The following DPP3 variants were observed in gnomAD, a reference collection of about 807,000 sequenced individuals.
DPP3 encodes the protein dipeptidyl peptidase 3, also known as DPP III.
Under a neutral mutation model 89.8 loss-of-function variants are expected in DPP3, and 64 were observed. That is an observed-to-expected ratio of 0.71 (90% CI 0.58 to 0.88). DPP3 has a LOEUF of 0.88. DPP3 is among the 40% of genes least tolerant of loss of function. The pLI, the probability that DPP3 is intolerant of heterozygous loss-of-function variation, is 0.00. For synonymous variants in DPP3, 377 were observed against 404.3 expected (o/e 0.93, Z 0.81); for missense variants, 835 against 972.5 (o/e 0.86, Z 1.88).
chr11:66,488,755 C>T (rs1324199467), intron 6 of DPP3, among the ~76,000 whole-genome samples: 1 of 152,148 alleles, frequency 6.6e-6, no homozygotes, highest in Non-Finnish European at 1.5e-5. Flanking sequence ...TCCCCACTCG[C>T]ACCCCAGCCC....
chr11:66,491,812 C>T (rs1855401247), intron 9 of DPP3, 56 bp downstream of exon 9: 6 of 1,591,010 alleles, frequency 3.8e-6, no homozygotes, highest in East Asian at 2.3e-5. Flanking sequence ...TCCAAGTCCA[C>T]GTTTCCAGTG....
At chr11:66,506,364 C>G (rs1855801948) in intron 17 of DPP3, among the ~76,000 whole-genome samples, 2 of 152,192 alleles carry the variant, frequency 1.3e-5, no homozygotes, top group Non-Finnish European at 2.9e-5. Flanking sequence ...AAGCGATTCT[C>G]CTGCCTCAGC....
At chr11:66,499,079 G>C (rs923341498) in intron 16 of DPP3, among the ~76,000 whole-genome samples, 2 of 152,036 alleles carry the variant, frequency 1.3e-5, no homozygotes, top group South Asian at 4.1e-4. Context: ...TCTTACACTA[G>C]GTGCTGGGCG....
Position 66,493,583 on chromosome 11 carries a change from G to A in DPP3, c.1339G>A (p.Val447Met). The A allele has an allele frequency of 6.2e-7, 1 of 1,613,180 alleles. No individual in the cohort carries two copies. The highest frequency in any genetic ancestry group is 1.7e-5 in the Admixed American group (1 of 60,016). ...GAAGGGGCCCTCCTTCGATGTGCAG[G>A]TGGGCCTGCACGAGCTGCTGGGCCA... ...LWKGPSFDVQ[V>M]GLHELLGHGS... The change falls in exon 12 of 18, where the codon GTG (valine) becomes ATG (methionine). Residue 447 changes from valine (V) to methionine (M), a missense_variant. Physicochemically the swap from Val to Met is conservative, Grantham distance 21. Transcript: ENST00000531863.
At chr11:66,508,829 T>C (rs535336750) in intron 17 of DPP3, among the ~76,000 whole-genome samples, 1 of 152,286 alleles carries the variant, frequency 6.6e-6, no homozygotes, top group African/African-American at 2.4e-5. Flanking sequence ...CCAGCCTAAA[T>C]CTTTATTTGA....
chr11:66,487,574 G>A (rs1343673786), intron 5 of DPP3, among the ~76,000 whole-genome samples: 1 of 152,272 alleles, frequency 6.6e-6, no homozygotes, highest in East Asian at 1.9e-4. Flanking sequence ...ATGTGTCAGT[G>A]GTGCTCCCAG....
At chr11:66,493,486 G>T in intron 11 of DPP3, 55 bp from the exon 12 acceptor site, 1 of 1,579,208 alleles carries the variant, frequency 6.3e-7, no homozygotes. Context: ...AGGCCGACAG[G>T]CTGTATAGCC....
At position 66,495,695 on chromosome 11, in the gene DPP3, G is replaced by A. The variant is rs200417388; in HGVS notation, c.1643G>A (p.Arg548Gln). The A allele has an allele frequency of 5.0e-5, 80 of 1,613,184 alleles. No homozygotes were observed. Among genetic ancestry groups the A allele is most frequent in the South Asian group, 2.3e-4 (21 of 90,990 alleles). Residue 548 changes from arginine (R) to glutamine (Q), a missense_variant, in exon 15 of 18, where the codon CGG becomes CAG. By Grantham distance (43) the Arg-to-Gln change is conservative (BLOSUM62 1). Transcript: ENST00000531863. The stretch of plus-strand genomic sequence containing the variant: ...TACGTGAACTGGCTCAACATGGTTC[G>A]GGCCGGGCTGCTCGCTCTGGAGTTC... ...VIYVNWLNMV[R>Q]AGLLALEFYT...
intron 16 of DPP3, among the ~76,000 whole-genome samples, chr11:66,502,460 A>C (rs1855701631): frequency 6.7e-6 from 1 of 148,418 alleles, no homozygotes. Flanking sequence ...GGCGTGTGCC[A>C]CCATGCCCAG....
At chr11:66,504,847 A>AAC in intron 17 of DPP3, 73 bp downstream of exon 17, 2 of 1,470,844 alleles carry the variant, frequency 1.4e-6, no homozygotes, top group Non-Finnish European at 1.8e-6. Context: ...AAGCAGTAAG[A>AAC]ACCCATCCCA....
At chr11:66,495,174 C>T (rs201259436) in intron 12 of DPP3, 32 bp from the exon 13 acceptor site, 76 of 1,611,946 alleles carry the variant, frequency 4.7e-5, no homozygotes, top group Admixed American at 5.0e-5. Context: ...CAGTTGGGGG[C>T]GCCTTTCCCT....
In DPP3 at chr11:66,486,629, T is replaced by C; in HGVS notation, c.450T>C (p.Leu150=). The part of the protein sequence containing the change: ...VRGLWQTCGE[L]MFSLEPRLRH... Reference sequence around the variant, plus strand: ...GCCTCTGGCAGACCTGCGGGGAGCTTATGTTCTCTCTGGAGCCAAGGCTTC... The same window carrying C: ...GCCTCTGGCAGACCTGCGGGGAGCTCATGTTCTCTCTGGAGCCAAGGCTTC... Residue 150 remains leucine (L), a synonymous_variant, in exon 4 of 18, where the codon CTT becomes CTC. Transcript: ENST00000531863. The C allele has an allele frequency of 6.3e-7, 1 of 1,580,020 alleles. No individual in the cohort carries two copies. Among genetic ancestry groups the C allele is most frequent in the Non-Finnish European group, 8.6e-7 (1 of 1,162,118 alleles).
At chr11:66,502,016 C>T (rs1180670848) in intron 16 of DPP3, among the ~76,000 whole-genome samples, 2 of 151,312 alleles carry the variant, frequency 1.3e-5, no homozygotes, top group African/African-American at 4.9e-5. Flanking sequence ...GCCAACATGG[C>T]GGCCCGTCTC....
At chr11:66,488,391 A>T (rs1855291890) in intron 6 of DPP3, among the ~76,000 whole-genome samples, 3 of 152,104 alleles carry the variant, frequency 2.0e-5, no homozygotes, top group Non-Finnish European at 4.4e-5. Context: ...GTGAAACCCC[A>T]TCTCTACTAA....
Position 66,497,216 on chromosome 11 carries a change from ACCAAGGACCAAG to A in DPP3, c.1699-67_1699-56del, listed in dbSNP as rs1023609036. 46 of 1,520,372 alleles carry A rather than the reference ACCAAGGACCAAG, an allele frequency of 3.0e-5. No individual in the cohort carries two copies. In the East Asian group the frequency reaches 8.2e-4, roughly 27 times the overall value. The allele number at this position is 1,520,372 out of a possible 1,614,324, so 94.2% of individuals were successfully genotyped here. A position where few individuals can be genotyped will look rare whatever the true frequency, so the allele number is the denominator to read the frequency against. On this transcript the variant is annotated intron_variant, in intron 15 of 17. Coordinates refer to ENST00000531863, the MANE Select transcript of DPP3 (RefSeq NM_130443.4). ...ACTGGGACCAAGGACCAAGCCTGGG[ACCAAGGACCAAG>A]CCAAGGACCAAGCCTAGGACCAAGC...
chr11:66,503,856 C>T (rs1249240405), intron 16 of DPP3, among the ~76,000 whole-genome samples: 2 of 151,682 alleles, frequency 1.3e-5, no homozygotes, highest in African/African-American at 4.8e-5. Flanking sequence ...CATTGCACTC[C>T]AGGCTGGGTG....
Position 66,497,486 on chromosome 11 carries a change from A to C in DPP3, c.1878+9A>C, listed in dbSNP as rs778860040. ...TCCTGCGGAGACTTCAGGTAAGCAAAGGCCTCTCGTCTGGATGGGTCCCCA... is the reference window on the plus strand; with the variant it reads ...TCCTGCGGAGACTTCAGGTAAGCAACGGCCTCTCGTCTGGATGGGTCCCCA... On this transcript the variant is annotated intron_variant, in intron 16 of 17. Coordinates refer to ENST00000531863, the MANE Select transcript of DPP3 (RefSeq NM_130443.4). 2 of 1,610,916 alleles carry C rather than the reference A, an allele frequency of 1.2e-6. No homozygotes were observed. The highest frequency in any genetic ancestry group is 1.7e-6 in the Non-Finnish European group (2 of 1,178,258).
intron 12 of DPP3, 96 bp from the exon 13 acceptor site, chr11:66,495,110 T>TGCCTTCCTGAGCC (rs1855495502): frequency 6.3e-7 from 1 of 1,587,768 alleles, no homozygotes; most frequent in African/African-American, 1.3e-5. Context: ...CGCTCCCGCT[T>TGCCTTCCTGAGCC]GCCTTCCTGA....
chr11:66,485,712 G>A (rs1855207720), intron 3 of DPP3, among the ~76,000 whole-genome samples: 1 of 152,136 alleles, frequency 6.6e-6, no homozygotes. Context: ...CTGACATGCA[G>A]CATCTGATTC....
Sources: gnomAD v4.1 joint callset for allele counts (sites outside exome capture counted in the v4.1 genomes callset) on GRCh38, gnomAD v4.1.1 for gene constraint, MANE v1.5 for transcripts, NCBI Gene and HGNC (gene_info 2026-07-23, HGNC 2026-07-21) for gene names.